Variants in CLDN1 observed in about 807,000 individuals in gnomAD.
CLDN1 encodes the protein claudin 1.
Under a neutral mutation model 22.6 loss-of-function variants are expected in CLDN1, and 12 were observed. That is an observed-to-expected ratio of 0.53 (90% confidence interval 0.34 to 0.86). The LOEUF (loss-of-function observed/expected upper bound fraction) is 0.86, where lower values mean the gene tolerates loss of function less well. Among genes scored for constraint, CLDN1 ranks in the 40% least tolerant of loss-of-function variants. The pLI is 0.02. For synonymous variants in CLDN1, 99 were observed against 103.8 expected, an observed-to-expected ratio of 0.95 and a Z score of 0.28; for missense variants, 250 against 269.5, an observed-to-expected ratio of 0.93 and a Z score of 0.51.
intron 3 of CLDN1, among the ~76,000 whole-genome samples, chr3:190,309,011 T>C (rs556560115): frequency 1.3e-5 from 2 of 152,272 alleles, no homozygotes; most frequent in East Asian, 3.9e-4. Context: ...GTGGGGTATC[T>C]GTGAGTGATT....
rs141961866 is a variant in CLDN1, at chr3:190,322,166, G to A, written c.41C>T (p.Ala14Val). The A allele has an allele frequency of 4.0e-4, 646 of 1,614,160 alleles. No homozygotes were observed. Among genetic ancestry groups the A allele is most frequent in the Middle Eastern group, 1.2e-3 (7 of 6,042 alleles). ...AGLQLLGFILAFLGWIGAIVS... is the reference protein window; with the variant it reads ...AGLQLLGFILVFLGWIGAIVS... The stretch of plus-strand genomic sequence containing the variant: ...GATGGCGCCGATCCATCCCAGGAAG[G>A]CGAGAATGAAGCCCAACAGCTGCAG... Residue 14 changes from alanine (A) to valine (V), a missense_variant, in exon 1 of 4, where the codon GCC (alanine) becomes GTC (valine). Transcript: ENST00000295522.
intron 1 of CLDN1, among the ~76,000 whole-genome samples, chr3:190,319,646 C>T (rs115060056): frequency 0.012 from 1,843 of 152,294 alleles, 50 homozygotes; most frequent in African/African-American, 0.042. Context: ...CTGGGAAAGA[C>T]GGCAAGGTAC....
rs995365985 is a variant in CLDN1 at position 190,321,773 on chromosome 3, G to A, written c.223+211C>T. On this transcript the variant is annotated intron_variant, in intron 1 of 3. Coordinates refer to ENST00000295522, the MANE Select transcript of CLDN1 (RefSeq NM_021101.5). ...CCTAGAGTGGCAGAAGTGTCACCCAGGGAGTTAGAGGCAAAACTAGAGCTT... is the reference window on the plus strand; with the variant it reads ...CCTAGAGTGGCAGAAGTGTCACCCAAGGAGTTAGAGGCAAAACTAGAGCTT... 1.1e-4 allele frequency among the ~76,000 whole-genome samples: 17 copies of A among 152,288 alleles called. No individual in the cohort carries two copies. The South Asian group carries it at 1.5e-3, about 13-fold the overall frequency.
chr3:190,310,038 A>T, intron 3 of CLDN1, 131 bp downstream of exon 3: 2 of 752,888 alleles, frequency 2.7e-6, no homozygotes, highest in Non-Finnish European at 4.7e-6. Flanking sequence ...GAGATCATTT[A>T]AATTGTTTGT....
chr3:190,314,562 A>AT (rs11360108), intron 1 of CLDN1, among the ~76,000 whole-genome samples: 381 of 143,774 alleles, frequency 2.6e-3, no homozygotes, highest in Middle Eastern at 7.1e-3. Flanking sequence ...GCCTGGCTAA[A>AT]TTTTTTTTTT....
intron 2 of CLDN1, among the ~76,000 whole-genome samples, chr3:190,311,757 T>C (rs1049396142): frequency 6.6e-6 from 1 of 151,492 alleles, no homozygotes; most frequent in African/African-American, 2.4e-5. Flanking sequence ...AAGATATATA[T>C]ATACACACAG....
At chr3:190,314,018 G>A (rs1009764020) in intron 1 of CLDN1, among the ~76,000 whole-genome samples, 1 of 152,132 alleles carries the variant, frequency 6.6e-6, no homozygotes, top group African/African-American at 2.4e-5. Context: ...ATCATTGACA[G>A]TGATAATATG....
chr3:190,312,085 C>T (rs1247686482), intron 2 of CLDN1, among the ~76,000 whole-genome samples: 2 of 151,810 alleles, frequency 1.3e-5, no homozygotes, highest in Non-Finnish European at 2.9e-5. Context: ...CGTGCACCAC[C>T]ACACCCAGCT....
Position 190,308,260 on chromosome 3 carries a change from C to A in CLDN1, c.*17G>T, listed in dbSNP as rs1716512538. 6.2e-7 allele frequency: 1 copy of A among 1,613,456 alleles called. No homozygotes were observed. The highest frequency in any genetic ancestry group is 1.3e-5 in the African/African-American group (1 of 74,872). On this transcript the variant is annotated 3_prime_UTR_variant, in exon 4 of 4. Transcript: ENST00000295522. ...TTTCGGTTTGTTTCAACATGATTTT[C>A]TCCTTTTGCCTCTGTGTCACACGTA...
chr3:190,318,543 G>T (rs76715059), intron 1 of CLDN1, among the ~76,000 whole-genome samples: 2 of 152,230 alleles, frequency 1.3e-5, no homozygotes, highest in East Asian at 3.9e-4. Flanking sequence ...TATTTTATAA[G>T]TGGGGTAACT....
intron 1 of CLDN1, among the ~76,000 whole-genome samples, chr3:190,321,309 C>T (rs780219261): frequency 5.9e-5 from 9 of 152,116 alleles, no homozygotes; most frequent in African/African-American, 2.2e-4. Context: ...AGCACTACAC[C>T]GTCAGCCTCT....
At chr3:190,314,522 G>A (rs1480567730) in intron 1 of CLDN1, among the ~76,000 whole-genome samples, 1 of 151,812 alleles carries the variant, frequency 6.6e-6, no homozygotes, top group Non-Finnish European at 1.5e-5. Context: ...AGCCTCCTGA[G>A]TAGCTGGGAC....
chr3:190,319,939 G>C (rs1425768632), intron 1 of CLDN1, among the ~76,000 whole-genome samples: 1 of 152,144 alleles, frequency 6.6e-6, no homozygotes, highest in East Asian at 1.9e-4. Context: ...GTGAGTCAAG[G>C]GTCCCTCTTC....
At chr3:190,309,549 G>A (rs1205365993) in intron 3 of CLDN1, among the ~76,000 whole-genome samples, 5 of 152,168 alleles carry the variant, frequency 3.3e-5, no homozygotes, top group East Asian at 3.8e-4. Flanking sequence ...GAAGAGCCTC[G>A]TCTCTGATTA....
rs777568752 is a variant in CLDN1, at chr3:190,308,457, T to C, written c.474-18A>G. 2 of 1,612,898 alleles carry C rather than the reference T, an allele frequency of 1.2e-6. No individual in the cohort carries two copies. Among genetic ancestry groups the C allele is most frequent in the South Asian group, 1.1e-5 (1 of 91,052 alleles). The stretch of plus-strand genomic sequence containing the variant: ...ATTCGTACCTAAAAGGAAAAACCCA[T>C]GTGCTTGTTAATCAGTGAATTATTG... On this transcript the variant is annotated intron_variant, in intron 3 of 3. Coordinates refer to ENST00000295522, the MANE Select transcript of CLDN1 (RefSeq NM_021101.5).
At chr3:190,316,273 C>G (rs924632672) in intron 1 of CLDN1, among the ~76,000 whole-genome samples, 1 of 152,126 alleles carries the variant, frequency 6.6e-6, no homozygotes, top group Non-Finnish European at 1.5e-5. Context: ...TCACTTACAT[C>G]CTGGCAACTA....
Position 190,314,334 on chromosome 3 carries a change from G to A in CLDN1, c.224-1298C>T, listed in dbSNP as rs544854268. ...TATTTCTAAAACTTCATTAAATCTT[G>A]ATTTACTGATTTTCTGTCTTTGCTA... On this transcript the variant is annotated intron_variant, in intron 1 of 3. Transcript: ENST00000295522. Among the ~76,000 whole-genome samples, 10 of 152,224 alleles carry A rather than the reference G, an allele frequency of 6.6e-5. No homozygotes were observed. The East Asian group carries it at 1.9e-3, about 29-fold the overall frequency.
chr3:190,315,379 A>T (rs747716285), intron 1 of CLDN1, among the ~76,000 whole-genome samples: 15 of 152,156 alleles, frequency 9.9e-5, no homozygotes, highest in Admixed American at 9.2e-4. Flanking sequence ...ACGCAGGATG[A>T]TAGGATGTGC....
At chr3:190,316,763 C>A (rs1476352832) in intron 1 of CLDN1, among the ~76,000 whole-genome samples, 1 of 152,132 alleles carries the variant, frequency 6.6e-6, no homozygotes, top group African/African-American at 2.4e-5. Flanking sequence ...TAGAACATGT[C>A]TTTATCCTTT....
Sources: allele counts gnomAD v4.1 joint callset (sites outside exome capture counted in the v4.1 genomes callset), GRCh38; gene constraint gnomAD v4.1.1; transcripts MANE v1.5; gene names NCBI Gene and HGNC (gene_info 2026-07-23, HGNC 2026-07-21).